GNA14: variants seen among roughly 807,000 people sequenced by gnomAD.
GNA14 encodes the protein G protein subunit alpha 14.
GNA14 carries 50 observed loss-of-function variants against 42.0 expected under a neutral mutation model. The observed-to-expected ratio is 1.19, with a 90% CI of 0.95 to 1.51. GNA14 has a LOEUF of 1.51. Ranked by LOEUF, GNA14 falls within the 40% of genes most tolerant of loss-of-function variation. GNA14 has a pLI of 0.00. For synonymous variants in GNA14, 173 were observed against 163.1 expected (o/e 1.06, Z -0.46); for missense variants, 473 against 446.2 (o/e 1.06, Z -0.54).
chr9:77,483,569 G>T (rs1253455537), intron 2 of GNA14, among the ~76,000 whole-genome samples: 5 of 152,184 alleles, frequency 3.3e-5, no homozygotes, highest in African/African-American at 1.2e-4. Flanking sequence ...CCAGCTGCAT[G>T]CTGGGAGAAC....
At chr9:77,558,930 A>C (rs76579159) in intron 1 of GNA14, among the ~76,000 whole-genome samples, 1 of 118,382 alleles carries the variant, frequency 8.4e-6, no homozygotes, top group Non-Finnish European at 1.6e-5. Context: ...AACAAAAAAC[A>C]AAAAAAAAAA....
chr9:77,629,657 C>T (rs940008113), intron 1 of GNA14, among the ~76,000 whole-genome samples: 19 of 152,278 alleles, frequency 1.2e-4, no homozygotes, highest in African/African-American at 4.6e-4. Context: ...CATGTTCTCA[C>T]TCATAAGTGG....
intron 1 of GNA14, among the ~76,000 whole-genome samples, chr9:77,549,343 C>T (rs1837762355): frequency 6.6e-6 from 1 of 152,176 alleles, no homozygotes; most frequent in Admixed American, 6.5e-5. Flanking sequence ...ATTTACGGTA[C>T]CTGTTGGAGC....
chr9:77,548,281 T>C (rs894728726), intron 1 of GNA14, among the ~76,000 whole-genome samples: 2 of 152,166 alleles, frequency 1.3e-5, no homozygotes, highest in Non-Finnish European at 2.9e-5. Flanking sequence ...TGGTCCTCTT[T>C]ACTCTGGTGT....
intron 2 of GNA14, among the ~76,000 whole-genome samples, chr9:77,484,999 A>C (rs1836632011): frequency 6.6e-6 from 1 of 152,186 alleles, no homozygotes; most frequent in Non-Finnish European, 1.5e-5. Context: ...ATGGCTGCTC[A>C]GGATGGTGGT....
At chr9:77,559,933 C>A (rs746561045) in intron 1 of GNA14, among the ~76,000 whole-genome samples, 1 of 152,050 alleles carries the variant, frequency 6.6e-6, no homozygotes, top group Non-Finnish European at 1.5e-5. Flanking sequence ...CCTTGTTATG[C>A]GACATACACC....
chr9:77,488,678 T>G (rs754017857), intron 2 of GNA14, among the ~76,000 whole-genome samples: 1 of 151,480 alleles, frequency 6.6e-6, no homozygotes, highest in Non-Finnish European at 1.5e-5. Flanking sequence ...GAGAAAAGCT[T>G]GGGCTCAAGG....
chr9:77,602,955 T>C (rs541631901), intron 1 of GNA14, among the ~76,000 whole-genome samples: 1 of 152,330 alleles, frequency 6.6e-6, no homozygotes, highest in South Asian at 2.1e-4. Flanking sequence ...ACACATTTAA[T>C]CTGCCACCCA....
Position 77,507,668 on chromosome 9 carries a change from C to T in GNA14, c.309+21401G>A, listed in dbSNP as rs995914387. Reference sequence around the variant, plus strand: ...CAGAAAAACAGCCGTTTGTTTTTAACGGCTCCTCTTTTCCTAATTTCTACC... The same window carrying T: ...CAGAAAAACAGCCGTTTGTTTTTAATGGCTCCTCTTTTCCTAATTTCTACC... On this transcript the variant is annotated intron_variant, in intron 2 of 6. Transcript: ENST00000341700. 6.6e-5 allele frequency among the ~76,000 whole-genome samples: 10 copies of T among 152,200 alleles called. No homozygotes were observed. The East Asian group carries it at 1.7e-3, about 26-fold the overall frequency.
chr9:77,479,270 T>C (rs1338292101), intron 2 of GNA14, among the ~76,000 whole-genome samples: 1 of 152,268 alleles, frequency 6.6e-6, no homozygotes, highest in Non-Finnish European at 1.5e-5. Context: ...CACCATTTGT[T>C]AAACAGGAAA....
Position 77,529,156 on chromosome 9 carries a change from C to A in GNA14, c.222G>T (p.Leu74=). Residue 74 remains leucine (L), a synonymous_variant, in exon 2 of 7, where the codon CTG becomes CTT. Coordinates refer to ENST00000341700, the MANE Select transcript of GNA14 (RefSeq NM_004297.4). Reference sequence around the variant, plus strand: ...TGGCGGTGAATATGTTTTGGTAAACCAGCTTCGTGAACCCCTTTCTGTCTT... The same window carrying A: ...TGGCGGTGAATATGTTTTGGTAAACAAGCTTCGTGAACCCCTTTCTGTCTT... ...SDEDRKGFTK[L]VYQNIFTAMQ... 1 of 1,614,040 alleles carries A rather than the reference C, an allele frequency of 6.2e-7. No individual in the cohort carries two copies. The highest frequency in any genetic ancestry group is 8.5e-7 in the Non-Finnish European group (1 of 1,179,922).
At position 77,618,611 on chromosome 9, in the gene GNA14, TATATA is replaced by T. The variant is rs1412842740; in HGVS notation, c.124+29054_124+29058del. ...ATATATATATATATATATATATATA[TATATA>T]TATATTTTTTTTTTTTTTTTTTTTT... On this transcript the variant is annotated intron_variant, in intron 1 of 6. Transcript: ENST00000341700. 2.8e-3 allele frequency among the ~76,000 whole-genome samples: 42 copies of T among 15,158 alleles called. 2 individuals carry two copies. Among genetic ancestry groups the T allele is most frequent in the African/African-American group, 6.9e-3 (29 of 4,220 alleles). 9.9% of individuals were successfully genotyped at this position (15,158 alleles called of 152,430 possible).
intron 2 of GNA14, among the ~76,000 whole-genome samples, chr9:77,524,995 A>C (rs1329413802): frequency 6.6e-6 from 1 of 152,224 alleles, no homozygotes; most frequent in Non-Finnish European, 1.5e-5. Context: ...TCAGCAAAGT[A>C]CACCAACTGA....
intron 1 of GNA14, among the ~76,000 whole-genome samples, 184 bp from the exon 2 acceptor site, chr9:77,529,437 C>T (rs1246448463): frequency 6.6e-6 from 1 of 152,170 alleles, no homozygotes; most frequent in Non-Finnish European, 1.5e-5. Flanking sequence ...CCAAGCCTCA[C>T]GCAAGTGCCA....
At position 77,447,119 on chromosome 9, in the gene GNA14, ACGCC is replaced by A. The variant is rs1244010265; in HGVS notation, c.310-12601_310-12598del. Among the ~76,000 whole-genome samples, 8 of 152,082 alleles carry A rather than the reference ACGCC, an allele frequency of 5.3e-5. No homozygotes were observed. In the East Asian group the frequency reaches 1.6e-3, roughly 30 times the overall value. On this transcript the variant is annotated intron_variant, in intron 2 of 6. Coordinates refer to ENST00000341700, the MANE Select transcript of GNA14 (RefSeq NM_004297.4). ...GCTGGGATTACAGGCACACACCACC[ACGCC>A]GAGTAGAGATGGGGTTTCACCATGT...
chr9:77,540,503 A>G (rs1358880246), intron 1 of GNA14, among the ~76,000 whole-genome samples: 3 of 152,180 alleles, frequency 2.0e-5, no homozygotes, highest in Non-Finnish European at 4.4e-5. Flanking sequence ...TCTAAAGTCC[A>G]GATTGAATCC....
intron 2 of GNA14, among the ~76,000 whole-genome samples, chr9:77,498,327 C>A (rs188806192): frequency 7.2e-6 from 1 of 138,642 alleles, no homozygotes; most frequent in South Asian, 2.3e-4. Context: ...GAGCCGAGAT[C>A]GCACCATTGC....
At chr9:77,445,653 G>C (rs571587692) in intron 2 of GNA14, among the ~76,000 whole-genome samples, 1 of 152,026 alleles carries the variant, frequency 6.6e-6, no homozygotes, top group Non-Finnish European at 1.5e-5. Context: ...GAGGCAGAAG[G>C]ATCACTTGAA....
At chr9:77,585,809 C>CA (rs1823293000) in intron 1 of GNA14, among the ~76,000 whole-genome samples, 1 of 152,212 alleles carries the variant, frequency 6.6e-6, no homozygotes, top group Non-Finnish European at 1.5e-5. Context: ...TCCCCTGCTA[C>CA]ATCTTCCTCA....
Sources: gnomAD v4.1 joint callset for allele counts (sites outside exome capture counted in the v4.1 genomes callset) on GRCh38, gnomAD v4.1.1 for gene constraint, MANE v1.5 for transcripts, NCBI Gene and HGNC (gene_info 2026-07-23, HGNC 2026-07-21) for gene names.